The following AK5 variants were observed in gnomAD, a reference collection of about 807,000 sequenced individuals.
The protein encoded by AK5 is adenylate kinase 5.
Under a neutral mutation model 69.5 loss-of-function variants are expected in AK5, and 27 were observed. That is an observed-to-expected ratio of 0.39 (90% CI 0.29 to 0.54). The LOEUF is 0.54. Ranked by LOEUF, AK5 falls within the 20% of genes least tolerant of loss-of-function variation. AK5 has a pLI of 0.71. For synonymous variants in AK5, 260 were observed against 244.4 expected (o/e 1.06, Z -0.60); for missense variants, 531 against 700.4 (o/e 0.76, Z 2.73).
chr1:77,514,004 C>A (rs1002611757), intron 10 of AK5, among the ~76,000 whole-genome samples: 7 of 152,196 alleles, frequency 4.6e-5, no homozygotes, highest in Non-Finnish European at 5.9e-5. Flanking sequence ...TCTCCCCTCC[C>A]TTCCTTCTGT....
chr1:77,300,131 A>G (rs538961480), intron 5 of AK5, among the ~76,000 whole-genome samples: 1 of 152,252 alleles, frequency 6.6e-6, no homozygotes, highest in African/African-American at 2.4e-5. Context: ...TAGGTGGGAG[A>G]GGGAGGGAAG....
At chr1:77,356,095 A>C (rs1361453962) in intron 6 of AK5, among the ~76,000 whole-genome samples, 1 of 152,130 alleles carries the variant, frequency 6.6e-6, no homozygotes, top group Non-Finnish European at 1.5e-5. Flanking sequence ...TCATTTTAAG[A>C]CTTAGATCTC....
chr1:77,410,805 G>A (rs1467371268), intron 6 of AK5, among the ~76,000 whole-genome samples, 176 bp from the exon 7 acceptor site: 5 of 151,964 alleles, frequency 3.3e-5, no homozygotes, highest in African/African-American at 7.3e-5. Flanking sequence ...TTCTCTGTTC[G>A]ATAGGAGGTC....
intron 6 of AK5, among the ~76,000 whole-genome samples, chr1:77,379,429 A>G (rs1378544845): frequency 1.3e-5 from 2 of 152,232 alleles, no homozygotes; most frequent in Admixed American, 1.3e-4. Context: ...TAGGAGTCCC[A>G]TAGATTAGCG....
chr1:77,350,885 A>G (rs575265694), intron 6 of AK5, among the ~76,000 whole-genome samples: 1 of 152,350 alleles, frequency 6.6e-6, no homozygotes, highest in East Asian at 1.9e-4. Flanking sequence ...GGGAGAGTAG[A>G]GTCAGTTGAA....
At chr1:77,458,626 G>T (rs902952216) in intron 8 of AK5, among the ~76,000 whole-genome samples, 15 of 152,154 alleles carry the variant, frequency 9.9e-5, no homozygotes, top group African/African-American at 3.6e-4. Context: ...GAGAGCTTGT[G>T]CAGAGAAACT....
At chr1:77,495,324 T>C (rs1228499270) in intron 10 of AK5, among the ~76,000 whole-genome samples, 2 of 152,238 alleles carry the variant, frequency 1.3e-5, no homozygotes, top group South Asian at 2.1e-4. Context: ...TGTGGGAATA[T>C]AGTGGGTGAG....
intron 6 of AK5, among the ~76,000 whole-genome samples, chr1:77,345,284 G>A (rs1661858062): frequency 6.6e-6 from 1 of 152,132 alleles, no homozygotes; most frequent in South Asian, 2.1e-4. Context: ...GTATGAAAAG[G>A]CCTACTAATT....
At chr1:77,468,985 T>C (rs1269645741) in intron 8 of AK5, among the ~76,000 whole-genome samples, 1 of 152,202 alleles carries the variant, frequency 6.6e-6, no homozygotes, top group Non-Finnish European at 1.5e-5. Flanking sequence ...ACAGCCAAAA[T>C]AGAAAGGGTA....
rs1660313245 is a variant in AK5 at position 77,559,354 on chromosome 1, A to G, written c.*684A>G. 6.6e-6 allele frequency: 1 copy of G among 152,178 alleles called. No individual in the cohort carries two copies. Among genetic ancestry groups the G allele is most frequent in the African/African-American group, 2.4e-5 (1 of 41,432 alleles). The allele number at this position is 152,178 out of a possible 1,614,324, so 9.4% of individuals were successfully genotyped here. On this transcript the variant is annotated 3_prime_UTR_variant, in exon 14 of 14. Transcript: ENST00000354567. ...TATTATTATTTTTTAGAAACTTGGA[A>G]TACTGTCGTCATGGCTAAGAGAACA...
At chr1:77,300,593 G>A (rs539328994) in intron 5 of AK5, among the ~76,000 whole-genome samples, 1 of 152,294 alleles carries the variant, frequency 6.6e-6, no homozygotes, top group Admixed American at 6.5e-5. Context: ...GAGACCAAAT[G>A]TGTGGGGTCT....
intron 8 of AK5, among the ~76,000 whole-genome samples, chr1:77,475,936 T>C (rs940931988): frequency 6.6e-6 from 1 of 152,098 alleles, no homozygotes; most frequent in African/African-American, 2.4e-5. Context: ...TTTGAGATGA[T>C]GAAAAAAGGA....
At chr1:77,414,056 A>G (rs983810035) in intron 7 of AK5, among the ~76,000 whole-genome samples, 1 of 152,184 alleles carries the variant, frequency 6.6e-6, no homozygotes, top group Non-Finnish European at 1.5e-5. Context: ...CTTATAGGAG[A>G]CATTTAATGT....
At chr1:77,535,255 T>C (rs1215364884) in intron 12 of AK5, among the ~76,000 whole-genome samples, 3 of 152,198 alleles carry the variant, frequency 2.0e-5, no homozygotes, top group African/African-American at 7.2e-5. Flanking sequence ...AGATTCAAGG[T>C]GTTTCTGTGT....
intron 5 of AK5, among the ~76,000 whole-genome samples, chr1:77,308,742 G>A (rs967916783): frequency 6.6e-6 from 1 of 152,182 alleles, no homozygotes; most frequent in Non-Finnish European, 1.5e-5. Flanking sequence ...AGAGCTCCAT[G>A]ACGTTATTAT....
In AK5 at chr1:77,342,092, G is replaced by C. The variant is rs567321122; in HGVS notation, c.891+1524G>C. On this transcript the variant is annotated intron_variant, in intron 6 of 13. Coordinates refer to ENST00000354567, the MANE Select transcript of AK5 (RefSeq NM_174858.3). Reference sequence around the variant, plus strand: ...TTTTTGTATTTTTAGTAGAGATGGGGTTTCACCATGTTGGCCAGGCTGGTC... The same window carrying C: ...TTTTTGTATTTTTAGTAGAGATGGGCTTTCACCATGTTGGCCAGGCTGGTC... Among the ~76,000 whole-genome samples the C allele has an allele frequency of 1.6e-4, 25 of 152,152 alleles. No homozygotes were observed. In the East Asian group the frequency reaches 4.7e-3, roughly 28 times the overall value.
chr1:77,496,347 A>G (rs1372492594), intron 10 of AK5, among the ~76,000 whole-genome samples: 2 of 152,146 alleles, frequency 1.3e-5, no homozygotes, highest in African/African-American at 2.4e-5. Flanking sequence ...CCCAGGAGAG[A>G]TAGTATGAAC....
At chr1:77,537,772 A>T (rs559438771) in intron 13 of AK5, among the ~76,000 whole-genome samples, 1 of 152,350 alleles carries the variant, frequency 6.6e-6, no homozygotes, top group East Asian at 1.9e-4. Flanking sequence ...CCTAAGAAAC[A>T]CTGGGTATAG....
At chr1:77,283,312 A>T (rs1658167874) in intron 1 of AK5, 1 of 985,338 alleles carries the variant, frequency 1.0e-6, no homozygotes, top group South Asian at 4.7e-5. Flanking sequence ...GGAGAAAAGA[A>T]TAGAAGCAAG....
Sources: allele counts gnomAD v4.1 joint callset (sites outside exome capture counted in the v4.1 genomes callset), GRCh38; gene constraint gnomAD v4.1.1; transcripts MANE v1.5; gene names NCBI Gene and HGNC (gene_info 2026-07-23, HGNC 2026-07-21).